The following SPOCK3 variants were observed in gnomAD, a reference collection of about 807,000 sequenced individuals.
SPOCK3 encodes the protein SPARC (osteonectin), cwcv and kazal like domains proteoglycan 3.
In SPOCK3, 30 loss-of-function variants were observed where a neutral mutation model predicts 56.6. The observed-to-expected ratio is 0.53, with a 90% CI of 0.40 to 0.72. The LOEUF is 0.72. Among genes scored for constraint, SPOCK3 ranks in the 30% least tolerant of loss-of-function variants. SPOCK3 has a pLI of 0.00. For synonymous variants in SPOCK3, 196 were observed against 183.3 expected (o/e 1.07, Z -0.56); for missense variants, 527 against 530.0 (o/e 0.99, Z 0.06).
chr4:166,966,410 G>A (rs1442720694), intron 4 of SPOCK3, among the ~76,000 whole-genome samples: 1 of 152,016 alleles, frequency 6.6e-6, no homozygotes, highest in Non-Finnish European at 1.5e-5. Flanking sequence ...TCTGTCTTCA[G>A]CTCAATCATA....
chr4:167,003,616 T>G (rs1749164952), intron 3 of SPOCK3, among the ~76,000 whole-genome samples: 1 of 152,186 alleles, frequency 6.6e-6, no homozygotes, highest in Non-Finnish European at 1.5e-5. Flanking sequence ...CCATTTAGCG[T>G]CTCCTCTTCT....
intron 4 of SPOCK3, among the ~76,000 whole-genome samples, chr4:166,956,951 T>C (rs1398573320): frequency 6.6e-6 from 1 of 152,140 alleles, no homozygotes; most frequent in Non-Finnish European, 1.5e-5. Context: ...CTTGCAGTTG[T>C]ACATGTTTAA....
chr4:167,110,209 C>T (rs1000019649), intron 2 of SPOCK3, among the ~76,000 whole-genome samples: 22 of 152,160 alleles, frequency 1.4e-4, no homozygotes, highest in African/African-American at 4.6e-4. Context: ...TCCTATAATG[C>T]ATTCACTTTC....
intron 2 of SPOCK3, among the ~76,000 whole-genome samples, chr4:167,122,280 C>CCAAG: frequency 6.6e-6 from 1 of 152,158 alleles, no homozygotes; most frequent in East Asian, 1.9e-4. Flanking sequence ...GCTCAGCCTG[C>CCAAG]CAAGTAGCTG....
chr4:167,202,283 A>T (rs891542564), intron 2 of SPOCK3, among the ~76,000 whole-genome samples: 16 of 151,990 alleles, frequency 1.1e-4, no homozygotes, highest in Non-Finnish European at 1.6e-4. Context: ...ACTGCAATCT[A>T]TTATTTATGC....
rs1416266747 is a variant in SPOCK3, at chr4:167,203,306, A to AT, written c.189+30678dup. Among the ~76,000 whole-genome samples the AT allele has an allele frequency of 3.6e-4, 55 of 152,046 alleles. 1 individual carries two copies. Among genetic ancestry groups the AT allele is most frequent in the East Asian group, 5.8e-4 (3 of 5,184 alleles). ...TAGCTTCTACATAAACTTTCTAGGG[A>AT]TTTTTTTAGTAAATAAGCAAACATC... is the stretch of plus-strand genomic sequence containing the variant. On this transcript the variant is annotated intron_variant, in intron 2 of 10. Transcript: ENST00000357545.
rs768376178 is a variant in SPOCK3, at chr4:166,754,575, A to G, written c.864T>C (p.Ser288=). The change falls in exon 8 of 11, where the codon TCT becomes TCC. Residue 288 remains serine (S), a synonymous_variant. Coordinates refer to ENST00000357545, the MANE Select transcript of SPOCK3 (RefSeq NM_001040159.2). ...TTAAACTGTCCTTGTATGTGTCACA[A>G]GAATTGAAGAATGCCTTGGTACACT... is the stretch of plus-strand genomic sequence containing the variant. ...NEQCTKAFFN[S]CDTYKDSLIS... is the part of the protein sequence containing the mutation. 9.3e-6 allele frequency: 15 copies of G among 1,613,562 alleles called. No individual in the cohort carries two copies. Among genetic ancestry groups the G allele is most frequent in the Middle Eastern group, 1.6e-4 (1 of 6,082 alleles).
intron 2 of SPOCK3, among the ~76,000 whole-genome samples, chr4:167,109,502 T>A (rs1257717376): frequency 1.7e-5 from 2 of 118,084 alleles, no homozygotes; most frequent in East Asian, 2.3e-4. Flanking sequence ...TTATATATTT[T>A]ATATAAAATA....
chr4:166,889,489 T>C (rs553505341), intron 5 of SPOCK3, among the ~76,000 whole-genome samples: 10 of 152,082 alleles, frequency 6.6e-5, no homozygotes, highest in African/African-American at 2.4e-4. Context: ...AGAAATATAA[T>C]AGGTTTAAAA....
intron 3 of SPOCK3, among the ~76,000 whole-genome samples, chr4:167,034,091 G>T (rs1004201281): frequency 6.6e-6 from 1 of 151,834 alleles, no homozygotes; most frequent in African/African-American, 2.4e-5. Context: ...CTTTCAGAAA[G>T]AATCTGACTA....
intron 3 of SPOCK3, among the ~76,000 whole-genome samples, chr4:167,038,912 A>G (rs1753003257): frequency 6.6e-6 from 1 of 152,094 alleles, no homozygotes. Context: ...TAAATTTAAA[A>G]ATTATTTTAA....
chr4:166,942,584 T>C (rs1186047362), intron 4 of SPOCK3, among the ~76,000 whole-genome samples: 2 of 151,844 alleles, frequency 1.3e-5, no homozygotes, highest in Non-Finnish European at 2.9e-5. Flanking sequence ...CCAATTTTCA[T>C]AGAACACTAT....
chr4:167,199,170 T>C (rs1413550279), intron 2 of SPOCK3, among the ~76,000 whole-genome samples: 1 of 151,968 alleles, frequency 6.6e-6, no homozygotes, highest in Admixed American at 6.6e-5. Flanking sequence ...ATTGTTAGTA[T>C]AAAAAATTTC....
chr4:167,199,724 T>TAAC (rs1733333706), intron 2 of SPOCK3, among the ~76,000 whole-genome samples: 1 of 143,708 alleles, frequency 7.0e-6, no homozygotes, highest in Non-Finnish European at 1.5e-5. Flanking sequence ...ATAATAATAA[T>TAAC]AATAATAATA....
At chr4:167,101,998 C>T (rs763654009) in intron 2 of SPOCK3, among the ~76,000 whole-genome samples, 7 of 151,824 alleles carry the variant, frequency 4.6e-5, no homozygotes, top group African/African-American at 7.3e-5. Flanking sequence ...GCACCTGGCC[C>T]TCTTACTTTT....
intron 5 of SPOCK3, among the ~76,000 whole-genome samples, chr4:166,893,802 T>C (rs1415940601): frequency 6.6e-6 from 1 of 152,176 alleles, no homozygotes; most frequent in Non-Finnish European, 1.5e-5. Context: ...GTATTATATT[T>C]TTAATGCTCT....
intron 4 of SPOCK3, among the ~76,000 whole-genome samples, chr4:166,959,545 G>A (rs976694413): frequency 2.6e-5 from 4 of 151,998 alleles, no homozygotes; most frequent in Non-Finnish European, 5.9e-5. Context: ...CCAGGAGGTG[G>A]AGGTTGCAGT....
At chr4:167,004,993 G>A (rs1325509452) in intron 3 of SPOCK3, among the ~76,000 whole-genome samples, 4 of 152,120 alleles carry the variant, frequency 2.6e-5, no homozygotes, top group East Asian at 1.9e-4. Flanking sequence ...AAGAATGTAC[G>A]TTAGAAACAT....
intron 2 of SPOCK3, among the ~76,000 whole-genome samples, chr4:167,105,195 A>G (rs560165984): frequency 6.6e-6 from 1 of 152,092 alleles, no homozygotes; most frequent in African/African-American, 2.4e-5. Context: ...CTTAAGTAGA[A>G]AGACTAAATG....
Sources: allele counts gnomAD v4.1 joint callset (sites outside exome capture counted in the v4.1 genomes callset), GRCh38; gene constraint gnomAD v4.1.1; transcripts MANE v1.5; gene names NCBI Gene and HGNC (gene_info 2026-07-23, HGNC 2026-07-21).